The following COL5A2 variants were observed in gnomAD, a reference collection of about 807,000 sequenced individuals.
COL5A2 encodes the protein collagen alpha-2(V) chain.
COL5A2 carries 23 observed loss-of-function variants against 208.2 expected under a neutral mutation model. That is an observed-to-expected ratio of 0.11 (90% CI 0.08 to 0.16). The LOEUF is 0.16. COL5A2 is among the 10% of genes least tolerant of loss of function. The probability of loss-of-function intolerance (pLI) is 1.00; values close to 1 mark genes in which losing one functional copy is unlikely to be tolerated. For missense variants in COL5A2, 1,590 were observed against 1,956.4 expected (o/e 0.81, Z 3.53); for synonymous variants, 625 against 628.5 (o/e 0.99, Z 0.08).
chr2:189,228,777 T>C (rs1689447792), upstream of COL5A2, among the ~76,000 whole-genome samples: 1 of 151,694 alleles, frequency 6.6e-6, no homozygotes, highest in Non-Finnish European at 1.5e-5. Context: ...TTCCAAAAAA[T>C]GGAAGAGAAA....
At chr2:189,094,180 C>A (rs966817561) in intron 6 of COL5A2, among the ~76,000 whole-genome samples, 4 of 152,066 alleles carry the variant, frequency 2.6e-5, no homozygotes, top group African/African-American at 9.7e-5. Flanking sequence ...TTATATGTCT[C>A]CACGGAATGC....
intron 50 of COL5A2, among the ~76,000 whole-genome samples, chr2:189,040,850 G>T (rs1241546032): frequency 3.3e-5 from 5 of 152,146 alleles, no homozygotes; most frequent in African/African-American, 1.2e-4. Flanking sequence ...AGAAATAAAT[G>T]AGTAGAAAAC....
chr2:189,099,664 G>A (rs1687009544), intron 4 of COL5A2, among the ~76,000 whole-genome samples: 2 of 152,016 alleles, frequency 1.3e-5, no homozygotes, highest in Admixed American at 6.6e-5. Flanking sequence ...CTGACAGAAC[G>A]ACAGTTGAAG....
At chr2:189,074,946 C>T (rs1050079507) in intron 17 of COL5A2, among the ~76,000 whole-genome samples, 1 of 152,142 alleles carries the variant, frequency 6.6e-6, no homozygotes, top group African/African-American at 2.4e-5. Flanking sequence ...CCTGAATGAT[C>T]GCACATTAAC....
chr2:189,152,871 T>C (rs560064814), intron 1 of COL5A2, among the ~76,000 whole-genome samples: 22 of 152,278 alleles, frequency 1.4e-4, no homozygotes, highest in Non-Finnish European at 2.6e-4. Context: ...TTTATTTATC[T>C]TGAACTGCTT....
chr2:189,225,977 G>A (rs1391139882), upstream of COL5A2, among the ~76,000 whole-genome samples: 1 of 152,080 alleles, frequency 6.6e-6, no homozygotes, highest in Non-Finnish European at 1.5e-5. Context: ...ATGACTTTGA[G>A]AAAGTTACAT....
chr2:189,352,101 T>G, the COL5A2 span, among the ~76,000 whole-genome samples: 17 of 152,200 alleles, frequency 1.1e-4, no homozygotes, highest in African/African-American at 4.1e-4. Flanking sequence ...GTTTCCAGCA[T>G]CATCCATTTC....
At chr2:189,074,808 T>A (rs1422975348) in intron 17 of COL5A2, among the ~76,000 whole-genome samples, 1 of 152,186 alleles carries the variant, frequency 6.6e-6, no homozygotes, top group Non-Finnish European at 1.5e-5. Flanking sequence ...AGTTCACATC[T>A]TTGTAATTTC....
At chr2:189,378,452 C>T in the COL5A2 span, among the ~76,000 whole-genome samples, 23 of 152,192 alleles carry the variant, frequency 1.5e-4, no homozygotes, top group Non-Finnish European at 3.2e-4. Flanking sequence ...CGGCCGGGCG[C>T]GGTGGCTCAC....
chr2:189,072,055 T>C lies in COL5A2; in HGVS notation c.1143A>G (p.Gly381=). ...LGIPGSSGFP[G]NPGMKGEAGP... is the part of the protein sequence containing the mutation. ...AACATCTTACCTTCATTCCAGGATT[T>C]CCTGGAAAACCAGAAGAGCCTGGTA... Residue 381 remains glycine, a synonymous_variant, in exon 18 of 54, where the codon GGA becomes GGG. Coordinates refer to ENST00000374866, the MANE Select transcript of COL5A2 (RefSeq NM_000393.5). 6.2e-7 allele frequency: 1 copy of C among 1,607,460 alleles called. No homozygotes were observed. The highest frequency in any genetic ancestry group is 8.5e-7 in the Non-Finnish European group (1 of 1,175,420).
intron 1 of COL5A2, among the ~76,000 whole-genome samples, chr2:189,189,280 G>C (rs1483152449): frequency 1.3e-5 from 2 of 152,162 alleles, no homozygotes; most frequent in Non-Finnish European, 2.9e-5. Flanking sequence ...GAGACGGCCA[G>C]CAGTGATCAA....
At chr2:189,177,593 T>C in intron 1 of COL5A2, among the ~76,000 whole-genome samples, 1 of 152,200 alleles carries the variant, frequency 6.6e-6, no homozygotes, top group East Asian at 1.9e-4. Flanking sequence ...TTACAACACA[T>C]ATGCAAGCAA....
chr2:189,358,098 T>C, the COL5A2 span, among the ~76,000 whole-genome samples: 1 of 152,050 alleles, frequency 6.6e-6, no homozygotes, highest in African/African-American at 2.4e-5. Flanking sequence ...GGTACCTCAG[T>C]TGGAAATTTA....
chr2:189,048,978 T>C (rs139088455), intron 44 of COL5A2, among the ~76,000 whole-genome samples: 1 of 152,334 alleles, frequency 6.6e-6, no homozygotes, highest in East Asian at 1.9e-4. Flanking sequence ...GGAATAGCTA[T>C]ATTAATCCTA....
chr2:189,115,407 G>GGAA (rs1220499168), intron 1 of COL5A2, among the ~76,000 whole-genome samples: 27 of 142,698 alleles, frequency 1.9e-4, no homozygotes, highest in African/African-American at 6.6e-4. Flanking sequence ...ACCTGTGGGG[G>GGAA]AAAAAAAAAA....
chr2:189,434,179 T>A, the COL5A2 span, among the ~76,000 whole-genome samples: 2 of 152,186 alleles, frequency 1.3e-5, no homozygotes, highest in Non-Finnish European at 2.9e-5. Context: ...GGGATGTATC[T>A]CAAAATAATA....
chr2:189,376,695 A>C, the COL5A2 span, among the ~76,000 whole-genome samples: 1 of 152,168 alleles, frequency 6.6e-6, no homozygotes, highest in Non-Finnish European at 1.5e-5. Context: ...AGAATCCTAT[A>C]ATTAGTAGTT....
At chr2:189,175,644 AG>A (rs1176507079) in intron 1 of COL5A2, among the ~76,000 whole-genome samples, 1 of 148,476 alleles carries the variant, frequency 6.7e-6, no homozygotes, top group African/African-American at 2.5e-5. Flanking sequence ...CCCGGGTTCT[AG>A]CAACTCTCGT....
the COL5A2 span, among the ~76,000 whole-genome samples, chr2:189,296,665 T>C: frequency 2.6e-5 from 4 of 152,328 alleles, no homozygotes; most frequent in East Asian, 7.7e-4. Context: ...GATATAGTTA[T>C]TTTTTAAAGT....
Sources: gnomAD v4.1 joint callset for allele counts (sites outside exome capture counted in the v4.1 genomes callset) on GRCh38, gnomAD v4.1.1 for gene constraint, MANE v1.5 for transcripts, NCBI Gene and HGNC (gene_info 2026-07-23, HGNC 2026-07-21) for gene names.